RP1: variants seen among roughly 807,000 people sequenced by gnomAD.
RP1 encodes the protein oxygen-regulated protein 1.
Under a neutral mutation model 14.8 loss-of-function variants are expected in RP1, and 16 were observed. That is an observed-to-expected ratio of 1.08 (90% CI 0.73 to 1.65). The LOEUF (loss-of-function observed/expected upper bound fraction) is 1.65, where lower values mean the gene tolerates loss of function less well. Among genes scored for constraint, RP1 ranks in the 40% most tolerant of loss-of-function variants. The pLI, the probability that RP1 is intolerant of heterozygous loss-of-function variation, is 0.00. For missense variants in RP1, 2,631 were observed against 2,535.0 expected, an observed-to-expected ratio of 1.04 and a Z score of -0.81; for synonymous variants, 876 against 883.6, an observed-to-expected ratio of 0.99 and a Z score of 0.15.
chr8:54,604,061 C>A (rs1445242599), intron 1 of RP1, among the ~76,000 whole-genome samples: 1 of 152,176 alleles, frequency 6.6e-6, no homozygotes, highest in African/African-American at 2.4e-5. Context: ...CTGGCCAGAA[C>A]TTCCAACACT....
At chr8:54,748,768 C>T (rs1249180675) in intron 19 of RP1, among the ~76,000 whole-genome samples, 3 of 152,168 alleles carry the variant, frequency 2.0e-5, no homozygotes, top group Non-Finnish European at 4.4e-5. Flanking sequence ...GTCCAACAAA[C>T]GTGTTGGTGA....
intron 23 of RP1, among the ~76,000 whole-genome samples, chr8:54,777,808 C>T (rs1369857922): frequency 1.3e-5 from 2 of 152,006 alleles, no homozygotes; most frequent in Non-Finnish European, 2.9e-5. Flanking sequence ...TTTACATGAC[C>T]TTGAAAATGT....
chr8:54,784,969 T>C (rs1327738401), intron 24 of RP1, among the ~76,000 whole-genome samples: 1 of 152,058 alleles, frequency 6.6e-6, no homozygotes, highest in East Asian at 1.9e-4. Context: ...CATAATTGTA[T>C]ATATTTATGG....
rs1246038461 is a variant in RP1 at position 54,626,231 on chromosome 8, T to C, written c.2349T>C (p.Asn783=). Residue 783 remains asparagine (N), a synonymous_variant, in exon 4 of 4, where the codon AAT becomes AAC. Transcript: ENST00000220676. ...LLTKRKSRSL[N]KISLGAPKKR... ...CCAAAAGAAAATCTAGATCACTAAATAAAATAAGCTTAGGAGCACCTAAAA... is the reference window on the plus strand; with the variant it reads ...CCAAAAGAAAATCTAGATCACTAAACAAAATAAGCTTAGGAGCACCTAAAA... The C allele has an allele frequency of 6.2e-7, 1 of 1,611,170 alleles. No individual in the cohort carries two copies. Among genetic ancestry groups the C allele is most frequent in the Non-Finnish European group, 8.5e-7 (1 of 1,179,184 alleles).
At chr8:54,849,238 A>T (rs945064565) in intron 25 of RP1, among the ~76,000 whole-genome samples, 1 of 152,106 alleles carries the variant, frequency 6.6e-6, no homozygotes, top group African/African-American at 2.4e-5. Context: ...TTAAAAAAAA[A>T]TACCAGAAGT....
chr8:54,625,587 A>G lies in RP1; in HGVS notation c.1705A>G (p.Thr569Ala), dbSNP rs1286471672. 10 of 1,614,030 alleles carry G rather than the reference A, an allele frequency of 6.2e-6. No homozygotes were observed. Among genetic ancestry groups the G allele is most frequent in the Non-Finnish European group, 8.5e-6 (10 of 1,180,026 alleles). ...EMSHNNGLPS[T>A]ISNNSIVEED... Reference sequence around the variant, plus strand: ...GTCACATAATAATGGTTTGCCATCAACTATATCAAATAACTCAATTGTGGA... The same window carrying G: ...GTCACATAATAATGGTTTGCCATCAGCTATATCAAATAACTCAATTGTGGA... The change falls in exon 4 of 4, where the codon ACT becomes GCT. Residue 569 changes from threonine to alanine, a missense_variant. Transcript: ENST00000220676.
At chr8:54,703,374 C>G (rs150570901) in intron 14 of RP1, among the ~76,000 whole-genome samples, 4 of 152,082 alleles carry the variant, frequency 2.6e-5, no homozygotes, top group East Asian at 3.9e-4. Context: ...CTTGGGTGAC[C>G]AGGTACATTG....
chr8:54,778,513 C>T (rs930552272), intron 23 of RP1, among the ~76,000 whole-genome samples: 4 of 151,720 alleles, frequency 2.6e-5, no homozygotes, highest in African/African-American at 7.3e-5. Context: ...TTAGTAGAGA[C>T]GGAGTTTCAC....
intron 15 of RP1, among the ~76,000 whole-genome samples, chr8:54,707,498 A>G (rs1288672884): frequency 1.3e-5 from 2 of 152,194 alleles, no homozygotes; most frequent in Non-Finnish European, 2.9e-5. Flanking sequence ...ATATATATTC[A>G]TAATTCTTCT....
At chr8:54,763,673 CT>C (rs1809697031) in intron 22 of RP1, among the ~76,000 whole-genome samples, 1 of 152,148 alleles carries the variant, frequency 6.6e-6, no homozygotes, top group South Asian at 2.1e-4. Flanking sequence ...AGAACAAAAA[CT>C]CCATCTCAAA....
At position 54,663,797 on chromosome 8, in the gene RP1, G is replaced by A; in HGVS notation, c.1270G>A (p.Gly424Arg). 6 of 1,535,010 alleles carry A rather than the reference G, an allele frequency of 3.9e-6. No individual in the cohort carries two copies. In the South Asian group the frequency reaches 7.2e-5, roughly 18 times the overall value. The change falls in exon 7 of 23, where the codon GGA (glycine) becomes AGA (arginine). Residue 424 changes from glycine to arginine, a missense_variant. Physicochemically the swap from Gly to Arg is moderately radical, Grantham distance 125. Transcript: ENST00000636932. ...TATCCATGGGGAAAAGGGAGATACA[G>A]GATCCAGACAACTATTTAGATCGAA...
chr8:54,779,147 T>A (rs1585684919), intron 23 of RP1, among the ~76,000 whole-genome samples: 1 of 152,174 alleles, frequency 6.6e-6, no homozygotes, highest in African/African-American at 2.4e-5. Context: ...TCTTGGTCTT[T>A]TTAGGCTGTC....
Position 54,626,435 on chromosome 8 carries a change from A to C in RP1, c.2553A>C (p.Ala851=). The change falls in exon 4 of 4, where the codon GCA becomes GCC. Residue 851 remains alanine, a synonymous_variant. Coordinates refer to ENST00000220676, the MANE Select transcript of RP1 (RefSeq NM_006269.2). Reference sequence around the variant, plus strand: ...CATCTGGGTATTTGAGAGGAATGGCAAAGAAGAGTTTAGTTTCAAAAGTTA... The same window carrying C: ...CATCTGGGTATTTGAGAGGAATGGCCAAGAAGAGTTTAGTTTCAAAAGTTA... The part of the protein sequence containing the change: ...EVASGYLRGM[A]KKSLVSKVTD... 2 of 1,613,762 alleles carry C rather than the reference A, an allele frequency of 1.2e-6. No individual in the cohort carries two copies. Among genetic ancestry groups the C allele is most frequent in the Non-Finnish European group, 1.7e-6 (2 of 1,179,892 alleles).
chr8:54,651,960 A>G (rs547882773), intron 4 of RP1, among the ~76,000 whole-genome samples: 1 of 149,324 alleles, frequency 6.7e-6, no homozygotes, highest in East Asian at 1.9e-4. Context: ...ATTTTCCTGC[A>G]GTTTGTTCTT....
chr8:54,669,313 A>G (rs1334165346), intron 7 of RP1, among the ~76,000 whole-genome samples: 1 of 152,246 alleles, frequency 6.6e-6, no homozygotes, highest in African/African-American at 2.4e-5. Context: ...AATGCAAATT[A>G]AAACCACAAT....
chr8:54,721,063 T>C (rs1413926102), intron 16 of RP1, among the ~76,000 whole-genome samples: 2 of 152,212 alleles, frequency 1.3e-5, no homozygotes, highest in African/African-American at 4.8e-5. Flanking sequence ...GAGTACATGT[T>C]TACTGTATGT....
At chr8:54,661,791 TA>T (rs886428514) in intron 6 of RP1, among the ~76,000 whole-genome samples, 1 of 151,830 alleles carries the variant, frequency 6.6e-6, no homozygotes, top group Admixed American at 6.6e-5. Flanking sequence ...TTCTTTTTTT[TA>T]AAAAAGTATT....
chr8:54,763,277 A>G (rs1006838361), intron 22 of RP1, among the ~76,000 whole-genome samples: 1 of 152,186 alleles, frequency 6.6e-6, no homozygotes, highest in East Asian at 1.9e-4. Context: ...TATATATTTG[A>G]TAACCTACTT....
chr8:54,651,763 C>A (rs1181426066), intron 4 of RP1, among the ~76,000 whole-genome samples: 1 of 152,004 alleles, frequency 6.6e-6, no homozygotes, highest in Non-Finnish European at 1.5e-5. Context: ...TCTCTTTCTT[C>A]TACTAGCTTA....
Sources: allele counts gnomAD v4.1 joint callset (sites outside exome capture counted in the v4.1 genomes callset), GRCh38; gene constraint gnomAD v4.1.1; transcripts MANE v1.5; gene names NCBI Gene and HGNC (gene_info 2026-07-23, HGNC 2026-07-21).